NXN: variants seen among roughly 807,000 people sequenced by gnomAD.
The protein encoded by NXN is nucleoredoxin 1.
Under a neutral mutation model 48.6 loss-of-function variants are expected in NXN, and 16 were observed. The ratio of observed to expected loss-of-function variants is 0.33; its 90% CI spans 0.22 to 0.50. The LOEUF (loss-of-function observed/expected upper bound fraction) is 0.50, where lower values mean the gene tolerates loss of function less well. NXN is among the 20% of genes least tolerant of loss of function. NXN has a pLI of 0.98. For missense variants in NXN, 492 were observed against 605.5 expected, an observed-to-expected ratio of 0.81 and a Z score of 1.97; for synonymous variants, 281 against 269.6, an observed-to-expected ratio of 1.04 and a Z score of -0.41.
chr17:968,864 G>C (rs1287192690), intron 1 of NXN, among the ~76,000 whole-genome samples: 5 of 151,974 alleles, frequency 3.3e-5, no homozygotes, highest in Non-Finnish European at 7.4e-5. Flanking sequence ...TTGAACCTAA[G>C]AGGCAGAGGT....
At chr17:947,040 G>A (rs1265742074) in intron 1 of NXN, among the ~76,000 whole-genome samples, 1 of 152,140 alleles carries the variant, frequency 6.6e-6, no homozygotes. Context: ...GAGGAGAGAC[G>A]ATACACGCCA....
At chr17:827,626 AAAAT>A (rs547097450) in intron 1 of NXN, among the ~76,000 whole-genome samples, 8 of 152,350 alleles carry the variant, frequency 5.3e-5, no homozygotes, top group African/African-American at 1.4e-4. Context: ...CCGTCTCAAA[AAAAT>A]AAATAAATAA....
chr17:925,976 A>G (rs1267291155), intron 1 of NXN, among the ~76,000 whole-genome samples: 1 of 152,208 alleles, frequency 6.6e-6, no homozygotes, highest in Non-Finnish European at 1.5e-5. Flanking sequence ...TATCACCAAT[A>G]GTAGCAGCTG....
intron 1 of NXN, among the ~76,000 whole-genome samples, chr17:912,491 A>G (rs981254287): frequency 6.6e-6 from 1 of 152,096 alleles, no homozygotes; most frequent in African/African-American, 2.4e-5. Context: ...CCAACACTGT[A>G]TGTTATCAAA....
intron 1 of NXN, among the ~76,000 whole-genome samples, chr17:873,960 G>A (rs1335004895): frequency 6.6e-6 from 1 of 152,038 alleles, no homozygotes; most frequent in African/African-American, 2.4e-5. Flanking sequence ...TCCAGCATCT[G>A]AGCCGCCCAC....
chr17:946,137 ATCTC>A (rs1355718692), intron 1 of NXN, among the ~76,000 whole-genome samples: 1 of 151,438 alleles, frequency 6.6e-6, no homozygotes, highest in East Asian at 1.9e-4. Context: ...TCAGAAGACT[ATCTC>A]TTTTTTTTTT....
intron 5 of NXN, among the ~76,000 whole-genome samples, chr17:812,143 G>A (rs533868051): frequency 6.7e-6 from 1 of 149,958 alleles, no homozygotes. Flanking sequence ...TAGCCAGGAC[G>A]GTCTCGATCT....
chr17:818,029 C>T (rs548619336), intron 5 of NXN, among the ~76,000 whole-genome samples: 118 of 152,126 alleles, frequency 7.8e-4, no homozygotes, highest in South Asian at 1.7e-3. Flanking sequence ...GAGGCCGAGG[C>T]GGGTGGATCA....
In NXN at chr17:920,563, T is replaced by A. The variant is rs1208079148; in HGVS notation, c.360+58756A>T. On this transcript the variant is annotated intron_variant, in intron 1 of 7. Transcript: ENST00000336868. The surrounding 1 kb of genome is among the most constrained non-coding windows in gnomAD (Gnocchi z 4.6). ...CCAGGCTCTCAACCCTCGACGCTCATCCAGGTTCATTCGCCATCCGTATGC... is the reference window on the plus strand; with the variant it reads ...CCAGGCTCTCAACCCTCGACGCTCAACCAGGTTCATTCGCCATCCGTATGC... Among the ~76,000 whole-genome samples the A allele has an allele frequency of 6.6e-6, 1 of 152,114 alleles. No individual in the cohort carries two copies. Among genetic ancestry groups the A allele is most frequent in the African/African-American group, 2.4e-5 (1 of 41,410 alleles).
rs55751712 is a variant in NXN, at chr17:849,518, C to CA, written c.361-23441dup. On this transcript the variant is annotated intron_variant, in intron 1 of 7. Coordinates refer to ENST00000336868, the MANE Select transcript of NXN (RefSeq NM_022463.5). This position sits in a 1 kb window ranked among gnomAD's most constrained non-coding sequence, Gnocchi z 4.2. ...ACTGCACTCCATCCTGGACGACAGA[C>CA]AAAAAAAAAAGATGGGAGCTTCCCA... 0.075 allele frequency among the ~76,000 whole-genome samples: 11,103 copies of CA among 147,666 alleles called. 643 individuals carry two copies. Among genetic ancestry groups the CA allele is most frequent in the African/African-American group, 0.17 (6,681 of 40,490 alleles).
intron 1 of NXN, among the ~76,000 whole-genome samples, chr17:862,561 C>T (rs991841590): frequency 2.0e-5 from 3 of 152,192 alleles, no homozygotes; most frequent in African/African-American, 7.2e-5. Flanking sequence ...AGAATCATCA[C>T]ATATCAGTGG....
At position 803,622 on chromosome 17, in the gene NXN, G is replaced by C. The variant is rs598974; in HGVS notation, c.1125+60C>G. The C allele has an allele frequency of 0.41, 667,387 of 1,609,498 alleles. 141,510 individuals are homozygous for C. Among genetic ancestry groups the C allele is most frequent in the African/African-American group, 0.63 (46,848 of 74,924 alleles). ...TCAGGCAACCCTGGGGCCAGGATCA[G>C]TCCTGTGCCAGAAGTCCCAGCTGAG... On this transcript the variant is annotated intron_variant, in intron 7 of 7. Transcript: ENST00000336868.
chr17:902,365 C>T (rs561352663), intron 1 of NXN, among the ~76,000 whole-genome samples: 8 of 152,250 alleles, frequency 5.3e-5, no homozygotes, highest in South Asian at 2.1e-4. Flanking sequence ...GTCGAAGGCA[C>T]GAGAATGTCC....
intron 1 of NXN, among the ~76,000 whole-genome samples, chr17:870,349 G>A (rs2068138373): frequency 6.6e-6 from 1 of 152,192 alleles, no homozygotes; most frequent in Non-Finnish European, 1.5e-5. Context: ...AGGTACCGTG[G>A]GACGTGGGTG....
At position 805,107 on chromosome 17, in the gene NXN, C is replaced by A. The variant is rs200704586; in HGVS notation, c.961G>T (p.Ala321Ser). Reference sequence around the variant, plus strand: ...AGGCAGGGGCCCTCGTTAAGCTGCGCGGCGTTGGAGTCGGAGAGCTCCAGC... The same window carrying A: ...AGGCAGGGGCCCTCGTTAAGCTGCGAGGCGTTGGAGTCGGAGAGCTCCAGC... Reference protein sequence around the residue: ...PVLELSDSNAAQLNEGPCLVL... With the variant: ...PVLELSDSNASQLNEGPCLVL... The change falls in exon 6 of 8, where the codon GCG becomes TCG. Residue 321 changes from alanine (A) to serine (S), a missense_variant. By Grantham distance (99) the Ala-to-Ser change is moderately conservative (BLOSUM62 1). Transcript: ENST00000336868. 2.1e-5 allele frequency: 34 copies of A among 1,609,176 alleles called. No individual in the cohort carries two copies. Among genetic ancestry groups the A allele is most frequent in the Non-Finnish European group, 2.6e-5 (31 of 1,178,516 alleles).
At chr17:874,747 C>G (rs909422809) in intron 1 of NXN, among the ~76,000 whole-genome samples, 7 of 151,760 alleles carry the variant, frequency 4.6e-5, no homozygotes, top group Non-Finnish European at 8.8e-5. Flanking sequence ...AACAATTACC[C>G]AGTCTTGTTA....
rs990118976 is a variant in NXN, at chr17:958,245, T to C, written c.360+21074A>G. Reference sequence around the variant, plus strand: ...AGGAGGTGGCTGCCAGCTTGTCCCTTCCCCGGTGCCTCTGCCCAACAAGAC... The same window carrying C: ...AGGAGGTGGCTGCCAGCTTGTCCCTCCCCCGGTGCCTCTGCCCAACAAGAC... On this transcript the variant is annotated intron_variant, in intron 1 of 7. Coordinates refer to ENST00000336868, the MANE Select transcript of NXN (RefSeq NM_022463.5). This position sits in a 1 kb window ranked among gnomAD's most constrained non-coding sequence, Gnocchi z 6.9. Among the ~76,000 whole-genome samples the C allele has an allele frequency of 2.0e-5, 3 of 152,146 alleles. No individual in the cohort carries two copies. The highest frequency in any genetic ancestry group is 2.9e-5 in the Non-Finnish European group (2 of 68,024).
chr17:904,940 C>T (rs751039883), intron 1 of NXN, among the ~76,000 whole-genome samples: 2 of 152,194 alleles, frequency 1.3e-5, no homozygotes, highest in African/African-American at 2.4e-5. Flanking sequence ...TTTGGCAAAG[C>T]CCCCTGCAAG....
intron 1 of NXN, among the ~76,000 whole-genome samples, chr17:862,135 AG>A (rs2068047521): frequency 6.6e-6 from 1 of 152,178 alleles, no homozygotes; most frequent in Non-Finnish European, 1.5e-5. Flanking sequence ...TCAGCCAATG[AG>A]GGGCTCTTCA....
Sources: allele counts gnomAD v4.1 joint callset (sites outside exome capture counted in the v4.1 genomes callset), GRCh38; gene constraint gnomAD v4.1.1; non-coding constraint Gnocchi (gnomAD v3.1); transcripts MANE v1.5; gene names NCBI Gene and HGNC (gene_info 2026-07-23, HGNC 2026-07-21).